The following ZEB1 variants were observed in gnomAD, a reference collection of about 807,000 sequenced individuals.
ZEB1 encodes the protein zinc finger E-box binding homeobox 1.
In ZEB1, 21 loss-of-function variants were observed where a neutral mutation model predicts 84.9. The ratio of observed to expected loss-of-function variants is 0.25; its 90% CI spans 0.18 to 0.36. ZEB1 has a LOEUF of 0.36. Ranked by LOEUF, ZEB1 falls within the 10% of genes least tolerant of loss-of-function variation. The probability of loss-of-function intolerance (pLI) is 1.00; values close to 1 mark genes in which losing one functional copy is unlikely to be tolerated. For synonymous variants in ZEB1, 420 were observed against 471.1 expected, an observed-to-expected ratio of 0.89 and a Z score of 1.41; for missense variants, 1,104 against 1,330.2, an observed-to-expected ratio of 0.83 and a Z score of 2.65.
intron 1 of ZEB1, among the ~76,000 whole-genome samples, chr10:31,353,470 A>G (rs2041632403): frequency 6.6e-6 from 1 of 152,224 alleles, no homozygotes; most frequent in African/African-American, 2.4e-5. Flanking sequence ...GGTAGAAACA[A>G]GTGGCTATTT....
At chr10:31,496,157 G>C (rs1184626627) in intron 3 of ZEB1, among the ~76,000 whole-genome samples, 2 of 152,012 alleles carry the variant, frequency 1.3e-5, no homozygotes, top group Non-Finnish European at 2.9e-5. Context: ...ACCAAAGTTA[G>C]AGAAATGCAG....
At chr10:31,435,565 C>T (rs889354280) in intron 1 of ZEB1, among the ~76,000 whole-genome samples, 3 of 152,096 alleles carry the variant, frequency 2.0e-5, no homozygotes, top group Admixed American at 2.0e-4. Context: ...GGAACTATGA[C>T]ACTGGAGTGG....
At chr10:31,489,157 A>G (rs1183078228) in intron 2 of ZEB1, among the ~76,000 whole-genome samples, 1 of 151,348 alleles carries the variant, frequency 6.6e-6, no homozygotes, top group Non-Finnish European at 1.5e-5. Flanking sequence ...TGTTAAAGGC[A>G]TACACATTTA....
intron 1 of ZEB1, among the ~76,000 whole-genome samples, chr10:31,392,305 T>G (rs1564696135): frequency 6.6e-6 from 1 of 152,174 alleles, no homozygotes; most frequent in Non-Finnish European, 1.5e-5. Context: ...AAACTAAAAC[T>G]CAAGAAAATA....
At chr10:31,412,948 G>A (rs1225540004) in intron 1 of ZEB1, among the ~76,000 whole-genome samples, 3 of 152,090 alleles carry the variant, frequency 2.0e-5, no homozygotes, top group African/African-American at 7.2e-5. Context: ...CCCTGCAATT[G>A]CTTGTCTGGC....
chr10:31,370,076 G>T (rs1415334970), intron 1 of ZEB1, among the ~76,000 whole-genome samples: 2 of 152,122 alleles, frequency 1.3e-5, no homozygotes, highest in Non-Finnish European at 2.9e-5. Flanking sequence ...TTATTGAGAT[G>T]TTGGAGTTAC....
intron 1 of ZEB1, among the ~76,000 whole-genome samples, chr10:31,323,101 C>G (rs891990529): frequency 6.6e-6 from 1 of 152,058 alleles, no homozygotes; most frequent in African/African-American, 2.4e-5. Context: ...ATTTAAGTCT[C>G]TAATTGAGAT....
intron 2 of ZEB1, among the ~76,000 whole-genome samples, chr10:31,468,543 CAA>C (rs1316890677): frequency 6.6e-6 from 1 of 152,112 alleles, no homozygotes; most frequent in Non-Finnish European, 1.5e-5. Context: ...AAGTTTCCCC[CAA>C]AAGACCTCCA....
chr10:31,412,950 T>C (rs1029579121), intron 1 of ZEB1, among the ~76,000 whole-genome samples: 1 of 152,162 alleles, frequency 6.6e-6, no homozygotes, highest in Non-Finnish European at 1.5e-5. Context: ...CTGCAATTGC[T>C]TGTCTGGCAA....
At chr10:31,451,339 A>T (rs1036971799) in intron 1 of ZEB1, among the ~76,000 whole-genome samples, 17 of 152,106 alleles carry the variant, frequency 1.1e-4, no homozygotes, top group African/African-American at 3.4e-4. Flanking sequence ...TTTCTCTAGG[A>T]TTAAGTAGGC....
At chr10:31,400,186 CT>C (rs1192398198) in intron 1 of ZEB1, among the ~76,000 whole-genome samples, 2 of 152,010 alleles carry the variant, frequency 1.3e-5, no homozygotes, top group African/African-American at 4.8e-5. Context: ...AATATAAAGG[CT>C]TTTTGTTTCC....
chr10:31,461,535 C>T (rs911589253), intron 2 of ZEB1, among the ~76,000 whole-genome samples: 8 of 151,838 alleles, frequency 5.3e-5, no homozygotes, highest in African/African-American at 4.8e-5. Context: ...ATTGTAACCC[C>T]GAATGAATAC....
chr10:31,438,335 T>C (rs1423203605), intron 1 of ZEB1, among the ~76,000 whole-genome samples: 1 of 152,180 alleles, frequency 6.6e-6, no homozygotes, highest in African/African-American at 2.4e-5. Context: ...AATAAGAAAA[T>C]AGATCTTATT....
chr10:31,461,017 G>A lies in ZEB1; in HGVS notation c.59-20G>A, dbSNP rs1368898874. The A allele has an allele frequency of 6.3e-7, 1 of 1,599,660 alleles. No homozygotes were observed. The highest frequency in any genetic ancestry group is 8.6e-7 in the Non-Finnish European group (1 of 1,168,244). On this transcript the variant is annotated intron_variant, in intron 1 of 8. Coordinates refer to ENST00000424869, the MANE Select transcript of ZEB1 (RefSeq NM_001174096.2). ...TTTTACTAGTTGGTTTTGATTATTT[G>A]TTTCTTGTTTGTATTACAGTTACAA...
At chr10:31,426,558 C>T (rs2136150057) in intron 1 of ZEB1, among the ~76,000 whole-genome samples, 1 of 152,328 alleles carries the variant, frequency 6.6e-6, no homozygotes, top group Admixed American at 6.5e-5. Flanking sequence ...AGAGAACTCT[C>T]ATGTTGTTTA....
At chr10:31,361,489 C>G (rs1322072843) in intron 1 of ZEB1, among the ~76,000 whole-genome samples, 1 of 152,220 alleles carries the variant, frequency 6.6e-6, no homozygotes, top group Non-Finnish European at 1.5e-5. Flanking sequence ...AGATCACACA[C>G]AAGGCTGTCA....
In ZEB1 at chr10:31,520,204, A is replaced by G; in HGVS notation, c.872A>G (p.Lys291Arg). Residue 291 changes from lysine (K) to arginine (R), a missense_variant, in exon 7 of 9, where the codon AAG (lysine) becomes AGG (arginine). Transcript: ENST00000424869. The surrounding 1 kb of genome is among the most constrained non-coding windows in gnomAD (Gnocchi z 5.1). ...TCCTATAGCTCACACATAAGCAGTA[A>G]GAAATGTATCAGCTTGATACCTGTG... is the stretch of plus-strand genomic sequence containing the variant. ...SGSYSSHISS[K>R]KCISLIPVNG... 1.2e-6 allele frequency: 2 copies of G among 1,614,002 alleles called. No individual in the cohort carries two copies. Among genetic ancestry groups the G allele is most frequent in the East Asian group, 4.5e-5 (2 of 44,864 alleles).
Position 31,502,319 on chromosome 10 carries a change from G to A in ZEB1, c.323-29G>A, listed in dbSNP as rs2068266880. Reference sequence around the variant, plus strand: ...TTTGTAATAACTTAGTGGTGAGATTGCTGTCTTAAAAGTATGCATTTTTTT... The same window carrying A: ...TTTGTAATAACTTAGTGGTGAGATTACTGTCTTAAAAGTATGCATTTTTTT... On this transcript the variant is annotated intron_variant, in intron 3 of 8. Transcript: ENST00000424869. 1.9e-6 allele frequency: 3 copies of A among 1,610,994 alleles called. No homozygotes were observed. The South Asian group carries it at 3.3e-5, about 18-fold the overall frequency.
intron 1 of ZEB1, among the ~76,000 whole-genome samples, chr10:31,423,166 A>G (rs2056450396): frequency 6.6e-6 from 1 of 152,106 alleles, no homozygotes; most frequent in Non-Finnish European, 1.5e-5. Flanking sequence ...CTTCATATGG[A>G]TACAATGCCT....
Sources: allele counts gnomAD v4.1 joint callset (sites outside exome capture counted in the v4.1 genomes callset), GRCh38; gene constraint gnomAD v4.1.1; non-coding constraint Gnocchi (gnomAD v3.1); transcripts MANE v1.5; gene names NCBI Gene and HGNC (gene_info 2026-07-23, HGNC 2026-07-21).